Variants in TTC7A observed in about 807,000 individuals in gnomAD.
TTC7A encodes the protein tetratricopeptide repeat protein 7A.
In TTC7A, 110 loss-of-function variants were observed where a neutral mutation model predicts 103.7. The ratio of observed to expected loss-of-function variants is 1.06; its 90% CI spans 0.91 to 1.24. TTC7A has a LOEUF of 1.24. Among genes scored for constraint, TTC7A ranks in the 50% most tolerant of loss-of-function variants. TTC7A has a pLI of 0.00. For missense variants in TTC7A, 1,340 were observed against 1,116.3 expected, an observed-to-expected ratio of 1.20 and a Z score of -2.86; for synonymous variants, 521 against 467.9, an observed-to-expected ratio of 1.11 and a Z score of -1.47.
At chr2:47,022,116 T>C in intron 12 of TTC7A, 137 bp downstream of exon 12, 2 of 615,752 alleles carry the variant, frequency 3.2e-6, no homozygotes, top group Non-Finnish European at 2.9e-6. Context: ...CTGGGAGAGA[T>C]GCCCATGTGT....
At chr2:46,976,155 G>A (rs1673856870) in intron 4 of TTC7A, among the ~76,000 whole-genome samples, 1 of 152,370 alleles carries the variant, frequency 6.6e-6, no homozygotes, top group South Asian at 2.1e-4. Context: ...GCCTGCTTTT[G>A]TGTCAGACAC....
intron 2 of TTC7A, among the ~76,000 whole-genome samples, chr2:46,929,036 G>A (rs1057384959): frequency 2.6e-5 from 4 of 151,900 alleles, no homozygotes; most frequent in Non-Finnish European, 4.4e-5. Flanking sequence ...GGTGGTGGGT[G>A]CCTGTAATCT....
At chr2:46,949,400 T>C (rs1299154286) in intron 1 of TTC7A, among the ~76,000 whole-genome samples, 1 of 152,086 alleles carries the variant, frequency 6.6e-6, no homozygotes, top group Non-Finnish European at 1.5e-5. Flanking sequence ...GCCTGGCTAA[T>C]TTTTGCATTT....
At chr2:46,917,297 C>A (rs986932817) in intron 2 of TTC7A, 2 of 655,490 alleles carry the variant, frequency 3.1e-6, no homozygotes, top group African/African-American at 3.7e-5. Flanking sequence ...CGCGCCGGGA[C>A]AAAGAATCCC....
intron 2 of TTC7A, among the ~76,000 whole-genome samples, chr2:46,953,482 C>T (rs545736056): frequency 9.2e-5 from 14 of 152,202 alleles, no homozygotes; most frequent in African/African-American, 1.7e-4. Flanking sequence ...CTATCTCACC[C>T]GCAAAGATCA....
intron 5 of TTC7A, among the ~76,000 whole-genome samples, chr2:46,988,060 G>A (rs1161425569): frequency 1.3e-5 from 2 of 152,174 alleles, no homozygotes; most frequent in Admixed American, 6.5e-5. Flanking sequence ...ACCGAACAGC[G>A]AAGCTCATTC....
At chr2:47,021,787 C>T in intron 11 of TTC7A, 75 bp from the exon 12 acceptor site, 3 of 1,150,998 alleles carry the variant, frequency 2.6e-6, no homozygotes, top group South Asian at 1.3e-5. Context: ...GTTTCGGGAA[C>T]AGGTCCAGGG....
chr2:46,992,696 C>T (rs547767049), intron 5 of TTC7A, among the ~76,000 whole-genome samples: 1 of 152,212 alleles, frequency 6.6e-6, no homozygotes, highest in Non-Finnish European at 1.5e-5. Context: ...CAGTTTTTCA[C>T]ATTGTGGGCC....
rs114472309 is a variant in TTC7A, at chr2:46,959,419, G to T, written c.517+2412G>T. 6.7e-4 allele frequency among the ~76,000 whole-genome samples: 102 copies of T among 152,210 alleles called. 1 individual carries two copies. Among genetic ancestry groups the T allele is most frequent in the African/African-American group, 2.4e-3 (99 of 41,512 alleles). ...CTGTGGTTCTGTTTGGTACTCTCAG[G>T]GGGTGGGCAGTCTGGGTCTCAGGCA... On this transcript the variant is annotated intron_variant, in intron 3 of 19. Transcript: ENST00000319190.
chr2:46,979,002 G>C, intron 5 of TTC7A, 95 bp downstream of exon 5: 1 of 767,584 alleles, frequency 1.3e-6, no homozygotes, highest in Non-Finnish European at 2.2e-6. Context: ...TCTCTGGCCT[G>C]TGCATACGTG....
In TTC7A at chr2:46,941,771, C is replaced by A; in HGVS notation, c.184+46C>A. ...GCTCGCCGGCAGCGAGCGCGCGAAA[C>A]GCACCGCCTCCTCCAGGAAGCGCGC... On this transcript the variant is annotated intron_variant, in intron 1 of 19. Coordinates refer to ENST00000319190, the MANE Select transcript of TTC7A (RefSeq NM_020458.4). This position sits in a 1 kb window ranked among gnomAD's most constrained non-coding sequence, Gnocchi z 4.2. 1.3e-6 allele frequency: 2 copies of A among 1,545,620 alleles called. No individual in the cohort carries two copies. The highest frequency in any genetic ancestry group is 1.7e-6 in the Non-Finnish European group (2 of 1,144,838).
intron 2 of TTC7A, among the ~76,000 whole-genome samples, chr2:46,920,921 C>T (rs1413672345): frequency 6.6e-6 from 1 of 151,286 alleles, no homozygotes; most frequent in Non-Finnish European, 1.5e-5. Flanking sequence ...ATAAGAAAAA[C>T]TATATGATAA....
At chr2:47,033,824 G>A (rs1264431053) in intron 15 of TTC7A, among the ~76,000 whole-genome samples, 1 of 152,204 alleles carries the variant, frequency 6.6e-6, no homozygotes. Context: ...GGGCGGCAGT[G>A]CCTGGGGAAG....
chr2:46,942,347 C>T (rs1670506345), intron 1 of TTC7A, among the ~76,000 whole-genome samples: 1 of 152,088 alleles, frequency 6.6e-6, no homozygotes, highest in Non-Finnish European at 1.5e-5. Context: ...GATGTGGCAG[C>T]GGGGAACACC....
chr2:47,069,278 C>A (rs1449787200), intron 19 of TTC7A, among the ~76,000 whole-genome samples: 1 of 152,152 alleles, frequency 6.6e-6, no homozygotes, highest in Admixed American at 6.5e-5. Context: ...AGGATGTGAC[C>A]CATCGGGCCC....
chr2:47,006,866 G>A, intron 10 of TTC7A, 142 bp downstream of exon 10: 1 of 688,870 alleles, frequency 1.5e-6, no homozygotes, highest in Middle Eastern at 3.5e-4. Flanking sequence ...GAGGGGCGTG[G>A]GGTGGGCCAC....
At chr2:46,985,041 CCT>C (rs1674870112) in intron 5 of TTC7A, among the ~76,000 whole-genome samples, 1 of 152,136 alleles carries the variant, frequency 6.6e-6, no homozygotes, top group Non-Finnish European at 1.5e-5. Flanking sequence ...CCTGCTTCCC[CCT>C]GTCTGCACTC....
Position 47,021,857 on chromosome 2 carries a change from T to C in TTC7A, c.1393-5T>C. On this transcript the variant is annotated splice_polypyrimidine_tract_variant and splice_region_variant and intron_variant, in intron 11 of 19. Transcript: ENST00000319190. ...CTCCATGACCTCTGTCTCTCCTCTT[T>C]GCAGCTAGAGGAAGCAGAGCACTTT... is the stretch of plus-strand genomic sequence containing the variant. 1 of 1,611,306 alleles carries C rather than the reference T, an allele frequency of 6.2e-7. No individual in the cohort carries two copies. Among genetic ancestry groups the C allele is most frequent in the Non-Finnish European group, 8.5e-7 (1 of 1,177,434 alleles).
At chr2:46,995,269 G>T (rs956791552) in intron 8 of TTC7A, 70 bp downstream of exon 8, 2 of 1,526,198 alleles carry the variant, frequency 1.3e-6, no homozygotes, top group Admixed American at 1.7e-5. Flanking sequence ...TGGGGCCCAG[G>T]TACAGGCCAC....
Sources: allele counts gnomAD v4.1 joint callset (sites outside exome capture counted in the v4.1 genomes callset), GRCh38; gene constraint gnomAD v4.1.1; non-coding constraint Gnocchi (gnomAD v3.1); transcripts MANE v1.5; gene names NCBI Gene and HGNC (gene_info 2026-07-23, HGNC 2026-07-21).